The following CPNE5 variants were observed in gnomAD, a reference collection of about 807,000 sequenced individuals.
CPNE5 encodes the protein copine 5.
CPNE5 carries 42 observed loss-of-function variants against 81.1 expected under a neutral mutation model. The observed-to-expected ratio is 0.52, with a 90% CI of 0.40 to 0.67. The LOEUF (loss-of-function observed/expected upper bound fraction) is 0.67, where lower values mean the gene tolerates loss of function less well. Ranked by LOEUF, CPNE5 falls within the 30% of genes least tolerant of loss-of-function variation. The pLI is 0.00. For missense variants in CPNE5, 612 were observed against 815.5 expected, an observed-to-expected ratio of 0.75 and a Z score of 3.04; for synonymous variants, 313 against 321.5, an observed-to-expected ratio of 0.97 and a Z score of 0.28.
At chr6:36,783,992 A>T (rs1768287569) in intron 8 of CPNE5, among the ~76,000 whole-genome samples, 1 of 152,048 alleles carries the variant, frequency 6.6e-6, no homozygotes, top group Admixed American at 6.6e-5. Flanking sequence ...TTACATTCCA[A>T]CCTCAGTTTG....
rs1767373541 is a variant in CPNE5, at chr6:36,774,979, C to T, written c.719G>A (p.Cys240Tyr). Residue 240 changes from cysteine (C) to tyrosine (Y), a missense_variant, in exon 10 of 21, where the codon TGC (cysteine) becomes TAC (tyrosine). Coordinates refer to ENST00000244751, the MANE Select transcript of CPNE5 (RefSeq NM_020939.2). ...ATCTCACCGATCGTAGTCGCCGTTG[C>T]AGAGGGCTCTCACGGGAATGGAGAA... The part of the protein sequence containing the change: ...QTFSIPVRAL[C>Y]NGDYDRTIKV... 6.2e-7 allele frequency: 1 copy of T among 1,613,870 alleles called. No homozygotes were observed. The highest frequency in any genetic ancestry group is 1.7e-5 in the Admixed American group (1 of 60,014).
chr6:36,768,866 G>A (rs1274393082), intron 10 of CPNE5, among the ~76,000 whole-genome samples: 1 of 152,212 alleles, frequency 6.6e-6, no homozygotes, highest in Non-Finnish European at 1.5e-5. Flanking sequence ...GCTCTTCCAA[G>A]TACTAGGTCT....
chr6:36,777,006 G>A (rs183755681), intron 9 of CPNE5, among the ~76,000 whole-genome samples: 82 of 152,276 alleles, frequency 5.4e-4, no homozygotes, highest in Middle Eastern at 6.8e-3. Context: ...AGTGCCCCAC[G>A]GGATCCCCTA....
In CPNE5 at chr6:36,746,423, A is replaced by G. The variant is rs751076308; in HGVS notation, c.1173T>C (p.Asp391=). 6.2e-7 allele frequency: 1 copy of G among 1,606,870 alleles called. No individual in the cohort carries two copies. The highest frequency in any genetic ancestry group is 1.7e-5 in the Admixed American group (1 of 59,442). Residue 391 remains aspartate (D), a synonymous_variant, in exon 16 of 21, where the codon GAT becomes GAC. Transcript: ENST00000244751. This position sits in a 1 kb window ranked among gnomAD's most constrained non-coding sequence, Gnocchi z 4.5. ...ALGFGAKLPP[D]GRVSHEFPLN... ...GTGGGAACTCGTGGGACACTCTGCC[A>G]TCCGGGGGCAGCTTGGCCCCGAAGC...
rs559995449 is a variant in CPNE5, at chr6:36,805,959, G to A, written c.184-5889C>T. Among the ~76,000 whole-genome samples the A allele has an allele frequency of 3.1e-4, 47 of 152,334 alleles. 1 individual carries two copies. In the South Asian group the frequency reaches 4.3e-3, roughly 14 times the overall value. On this transcript the variant is annotated intron_variant, in intron 3 of 20. Transcript: ENST00000244751. Reference sequence around the variant, plus strand: ...GCGACTCTCTGGGACTCTGCTACACGTGACAGCTGGGATGTATGGGGCAGG... The same window carrying A: ...GCGACTCTCTGGGACTCTGCTACACATGACAGCTGGGATGTATGGGGCAGG...
chr6:36,748,279 A>C lies in CPNE5; in HGVS notation c.972-12T>G, dbSNP rs556187809. On this transcript the variant is annotated splice_polypyrimidine_tract_variant and intron_variant, in intron 14 of 20. Transcript: ENST00000244751. ...AGTTGATCTGGGTCCTAGAAGAGGGAGAACAGCAGGGGAGTCACCTGGAGG... is the reference window on the plus strand; with the variant it reads ...AGTTGATCTGGGTCCTAGAAGAGGGCGAACAGCAGGGGAGTCACCTGGAGG... 2.5e-6 allele frequency: 4 copies of C among 1,613,962 alleles called. No homozygotes were observed. In the African/African-American group the frequency reaches 5.3e-5, roughly 22 times the overall value.
At position 36,798,250 on chromosome 6, in the gene CPNE5, C is replaced by T. The variant is rs769771036; in HGVS notation, c.328-9G>A. ...GCCTGGCCCAGGAAATCCTGCATAT[C>T]CAGGGAACAGAAGAGACCAGTGTCA... On this transcript the variant is annotated splice_polypyrimidine_tract_variant and intron_variant, in intron 5 of 20. Transcript: ENST00000244751. 1.2e-6 allele frequency: 2 copies of T among 1,612,112 alleles called. No homozygotes were observed. Among genetic ancestry groups the T allele is most frequent in the East Asian group, 2.2e-5 (1 of 44,842 alleles).
intron 10 of CPNE5, among the ~76,000 whole-genome samples, chr6:36,772,622 C>A (rs1032883230): frequency 2.0e-5 from 3 of 152,242 alleles, no homozygotes; most frequent in African/African-American, 7.2e-5. Context: ...ACACAGGAGG[C>A]ACTCAGTGAC....
Position 36,746,086 on chromosome 6 carries a change from T to G in CPNE5, c.1200+310A>C. The stretch of plus-strand genomic sequence containing the variant: ...CAGGGATACCCAACCCACACCACCT[T>G]GTTCACTTTTCTGGGGCCCTGAGGG... On this transcript the variant is annotated intron_variant, in intron 16 of 20. Coordinates refer to ENST00000244751, the MANE Select transcript of CPNE5 (RefSeq NM_020939.2). This position sits in a 1 kb window ranked among gnomAD's most constrained non-coding sequence, Gnocchi z 4.5. The G allele has an allele frequency of 6.1e-6, 5 of 819,344 alleles. No homozygotes were observed. The highest frequency in any genetic ancestry group is 7.4e-6 in the Non-Finnish European group (5 of 678,770). The allele number at this position is 819,344 out of a possible 1,614,324, so 50.8% of individuals were successfully genotyped here.
chr6:36,748,308 G>A (rs1764413352), intron 14 of CPNE5, 41 bp from the exon 15 acceptor site: 1 of 1,591,638 alleles, frequency 6.3e-7, no homozygotes, highest in Admixed American at 1.7e-5. Context: ...CTGGAGGGAG[G>A]CAGGGCTGTG....
intron 13 of CPNE5, 142 bp downstream of exon 13, chr6:36,756,094 CCCCACCCCT>C: frequency 1.7e-6 from 1 of 577,422 alleles, no homozygotes. Context: ...GCTCCATCTG[CCCCACCCCT>C]CCCCACCCCA....
chr6:36,827,075 C>T (rs1477718571), intron 1 of CPNE5, among the ~76,000 whole-genome samples: 1 of 152,150 alleles, frequency 6.6e-6, no homozygotes, highest in Non-Finnish European at 1.5e-5. Context: ...GCAATCTCCA[C>T]CCTCACAGGT....
chr6:36,761,756 C>T (rs1766043718), intron 12 of CPNE5, among the ~76,000 whole-genome samples: 1 of 152,164 alleles, frequency 6.6e-6, no homozygotes, highest in Non-Finnish European at 1.5e-5. Flanking sequence ...GCCAAGGTCA[C>T]GTAGCTAGTA....
intron 1 of CPNE5, among the ~76,000 whole-genome samples, chr6:36,826,486 T>C (rs1338920956): frequency 6.6e-6 from 1 of 152,130 alleles, no homozygotes; most frequent in Non-Finnish European, 1.5e-5. Context: ...CTACTTCCTC[T>C]CCTCTCCCCT....
Position 36,839,228 on chromosome 6 carries a change from G to A in CPNE5, c.95+55C>T. 7.6e-7 allele frequency: 1 copy of A among 1,324,114 alleles called. No individual in the cohort carries two copies. Among genetic ancestry groups the A allele is most frequent in the Non-Finnish European group, 1.0e-6 (1 of 969,598 alleles). 82.0% of individuals were successfully genotyped at this position (1,324,114 alleles called of 1,614,324 possible). A position where few individuals can be genotyped will look rare whatever the true frequency, so the allele number is the denominator to read the frequency against. On this transcript the variant is annotated intron_variant, in intron 1 of 20. Transcript: ENST00000244751. This position sits in a 1 kb window ranked among gnomAD's most constrained non-coding sequence, Gnocchi z 7.3. ...GTTTAGGATCGAAGCGGCAGGGGCC[G>A]CGGGGCTCTGCGTCCAGGGCCGGGG...
intron 6 of CPNE5, among the ~76,000 whole-genome samples, chr6:36,796,103 C>A (rs1369842013): frequency 6.6e-6 from 1 of 152,166 alleles, no homozygotes; most frequent in Non-Finnish European, 1.5e-5. Flanking sequence ...CATGTGCCAC[C>A]ACGCCAGGCT....
chr6:36,782,095 A>C (rs376331326), intron 8 of CPNE5, among the ~76,000 whole-genome samples: 1 of 152,296 alleles, frequency 6.6e-6, no homozygotes, highest in African/African-American at 2.4e-5. Flanking sequence ...GAACACTGAA[A>C]TAGCCATCTC....
chr6:36,756,616 C>T (rs1011576802), intron 12 of CPNE5, among the ~76,000 whole-genome samples: 5 of 152,296 alleles, frequency 3.3e-5, no homozygotes, highest in Non-Finnish European at 7.4e-5. Context: ...CTTGATGTTG[C>T]AAAGCGGCCC....
chr6:36,794,698 C>G (rs994156079), intron 6 of CPNE5, 49 bp from the exon 7 acceptor site: 2 of 1,562,134 alleles, frequency 1.3e-6, no homozygotes, highest in Non-Finnish European at 8.8e-7. Context: ...TGAGTACCCC[C>G]ACCCAGACAG....
Sources: gnomAD v4.1 joint callset for allele counts (sites outside exome capture counted in the v4.1 genomes callset) on GRCh38, gnomAD v4.1.1 for gene constraint, Gnocchi (gnomAD v3.1) non-coding constraint, MANE v1.5 for transcripts, NCBI Gene and HGNC (gene_info 2026-07-23, HGNC 2026-07-21) for gene names.